The following CLTCL1 variants were observed in gnomAD, a reference collection of about 807,000 sequenced individuals.
The protein encoded by CLTCL1 is clathrin heavy chain 2.
Under a neutral mutation model 190.0 loss-of-function variants are expected in CLTCL1, and 159 were observed. The observed-to-expected ratio is 0.84, with a 90% CI of 0.74 to 0.95. The LOEUF (loss-of-function observed/expected upper bound fraction) is 0.95. Ranked by LOEUF, CLTCL1 falls within the 40% of genes least tolerant of loss-of-function variation. The pLI, the probability that CLTCL1 is intolerant of heterozygous loss-of-function variation, is 0.00. For missense variants in CLTCL1, 1,878 were observed against 2,033.4 expected (o/e 0.92, Z 1.47); for synonymous variants, 752 against 769.6 (o/e 0.98, Z 0.38).
intron 29 of CLTCL1, chr22:19,184,963 T>C (rs1460845861): frequency 5.7e-6 from 1 of 175,804 alleles, no homozygotes; most frequent in African/African-American, 2.4e-5. Flanking sequence ...TGCTCTTCAC[T>C]GGTGGGTGTG....
At chr22:19,222,956 C>A in intron 14 of CLTCL1, 147 bp from the exon 15 acceptor site, 1 of 920,344 alleles carries the variant, frequency 1.1e-6, no homozygotes. Context: ...AATAGGCTGT[C>A]GTTTTGTGGT....
chr22:19,222,527 G>A (rs2085606600), intron 15 of CLTCL1, among the ~76,000 whole-genome samples, 157 bp downstream of exon 15: 1 of 152,200 alleles, frequency 6.6e-6, no homozygotes, highest in Non-Finnish European at 1.5e-5. Context: ...TGCCTGGACT[G>A]TGGTCTTCTA....
At chr22:19,207,453 C>A (rs781981838) in intron 22 of CLTCL1, 10 of 399,976 alleles carry the variant, frequency 2.5e-5, no homozygotes, top group Non-Finnish European at 4.0e-5. Flanking sequence ...ATGTGTATAG[C>A]CAAGAGCATG....
intron 2 of CLTCL1, among the ~76,000 whole-genome samples, chr22:19,275,206 T>C (rs1410643568): frequency 6.6e-6 from 1 of 152,200 alleles, no homozygotes; most frequent in Non-Finnish European, 1.5e-5. Flanking sequence ...TAAAATTCTA[T>C]TAATTATCAG....
chr22:19,236,331 T>C (rs1258011808), intron 5 of CLTCL1, among the ~76,000 whole-genome samples: 1 of 152,204 alleles, frequency 6.6e-6, no homozygotes, highest in Non-Finnish European at 1.5e-5. Context: ...ATCGAACCCC[T>C]TTAAGCAAGC....
intron 2 of CLTCL1, among the ~76,000 whole-genome samples, chr22:19,268,730 A>T (rs1475411190): frequency 6.6e-6 from 1 of 152,226 alleles, no homozygotes; most frequent in Non-Finnish European, 1.5e-5. Context: ...AGAAACTGGC[A>T]TCCTCATACA....
At chr22:19,211,770 A>AC (rs2085232431) in intron 19 of CLTCL1, among the ~76,000 whole-genome samples, 1 of 149,526 alleles carries the variant, frequency 6.7e-6, no homozygotes, top group African/African-American at 2.4e-5. Context: ...GCATCTCAAA[A>AC]AAAAAAAAAA....
chr22:19,201,433 C>A lies in CLTCL1; in HGVS notation c.3661G>T (p.Val1221Phe). The A allele has an allele frequency of 1.2e-6, 2 of 1,613,956 alleles. No homozygotes were observed. Among genetic ancestry groups the A allele is most frequent in the Non-Finnish European group, 1.7e-6 (2 of 1,179,848 alleles). Reference protein sequence around the residue: ...YEAAKLLYSNVSNFARLASTL... With the variant: ...YEAAKLLYSNFSNFARLASTL... The stretch of plus-strand genomic sequence containing the variant: ...GAAGCCAGGCGGGCAAAGTTAGAAA[C>A]ATTGCTATAGAGCAGCTTGGCAGCC... Residue 1221 changes from valine to phenylalanine, a missense_variant, in exon 23 of 33, where the codon GTT (valine) becomes TTT (phenylalanine). By Grantham distance (50) the Val-to-Phe change is conservative. Coordinates refer to ENST00000427926, the MANE Select transcript of CLTCL1 (RefSeq NM_007098.4).
chr22:19,207,010 A>ATTTTTTTTTTT (rs781980213), intron 22 of CLTCL1, among the ~76,000 whole-genome samples: 2 of 92,782 alleles, frequency 2.2e-5, no homozygotes, highest in Non-Finnish European at 4.0e-5. Context: ...TAAACTACTA[A>ATTTTTTTTTTT]TTTTTTTTTT....
chr22:19,219,816 C>T (rs987556748), intron 18 of CLTCL1, 69 bp downstream of exon 18: 11 of 1,597,984 alleles, frequency 6.9e-6, no homozygotes, highest in Non-Finnish European at 9.4e-6. Context: ...TGAAACCAGT[C>T]ACTTGAGCCA....
chr22:19,249,131 G>A (rs1346619139), intron 3 of CLTCL1, among the ~76,000 whole-genome samples: 1 of 152,110 alleles, frequency 6.6e-6, no homozygotes, highest in Non-Finnish European at 1.5e-5. Flanking sequence ...GGCCGAAGCG[G>A]GCGGATTACT....
rs1555929309 is a variant in CLTCL1 at position 19,188,012 on chromosome 22, T to C, written c.4403A>G (p.Asn1468Ser). 5.0e-6 allele frequency: 8 copies of C among 1,613,918 alleles called. No homozygotes were observed. The highest frequency in any genetic ancestry group is 5.1e-6 in the Non-Finnish European group (6 of 1,179,902). Residue 1468 changes from asparagine (N) to serine (S), a missense_variant, in exon 28 of 33, where the codon AAC (asparagine) becomes AGC (serine). Asn to Ser is a conservative substitution (Grantham distance 46). Transcript: ENST00000427926. ...HNNKSVNEAL[N>S]HLLTEEEDYQ... The stretch of plus-strand genomic sequence containing the variant: ...GTCCTCCTCCTCTGTCAGCAGGTGG[T>C]TGAGTGCCTCATTCACACTCTTGTT...
intron 3 of CLTCL1, among the ~76,000 whole-genome samples, chr22:19,248,023 A>G (rs969168119): frequency 6.6e-6 from 1 of 151,182 alleles, no homozygotes; most frequent in Non-Finnish European, 1.5e-5. Context: ...TTGGCTGGGC[A>G]TGGTGGCTCA....
intron 1 of CLTCL1, among the ~76,000 whole-genome samples, chr22:19,290,927 G>T (rs968934188): frequency 6.6e-6 from 1 of 152,114 alleles, no homozygotes; most frequent in South Asian, 2.1e-4. Flanking sequence ...CACCTCCCAG[G>T]GTAAACGTGG....
chr22:19,249,878 G>A, intron 3 of CLTCL1: 1 of 425,260 alleles, frequency 2.4e-6, no homozygotes, highest in South Asian at 1.7e-5. Flanking sequence ...AAATCGCCAG[G>A]TACCATGCAA....
In CLTCL1 at chr22:19,216,111, C is replaced by T; in HGVS notation, c.3065G>A (p.Arg1022Lys). Reference sequence around the variant, plus strand: ...ACAGCTACCCCTGGCATAGCCTCACCTGTGCTCGCTGAAGACAGAGTTATC... The same window carrying T: ...ACAGCTACCCCTGGCATAGCCTCACTTGTGCTCGCTGAAGACAGAGTTATC... ...VLDNSVFSEH[R>K]NLQNLLILTA... Residue 1022 changes from arginine to lysine, a missense_variant and splice_region_variant, in exon 19 of 33, where the codon AGG becomes AAG. By Grantham distance (26) the Arg-to-Lys change is conservative. Transcript: ENST00000427926. 6.2e-7 allele frequency: 1 copy of T among 1,613,476 alleles called. No homozygotes were observed. Among genetic ancestry groups the T allele is most frequent in the Non-Finnish European group, 8.5e-7 (1 of 1,179,614 alleles).
chr22:19,230,582 T>C (rs561618890), intron 10 of CLTCL1, among the ~76,000 whole-genome samples: 125 of 152,288 alleles, frequency 8.2e-4, no homozygotes, highest in African/African-American at 2.4e-3. Context: ...ACGTAATTTA[T>C]GGTCATTAAT....
chr22:19,226,849 T>C (rs1555956332), intron 11 of CLTCL1, among the ~76,000 whole-genome samples: 1 of 152,128 alleles, frequency 6.6e-6, no homozygotes, highest in African/African-American at 2.4e-5. Context: ...GCGATTCTCA[T>C]GTCTCAGCCT....
chr22:19,289,140 C>T (rs954988782), intron 1 of CLTCL1, among the ~76,000 whole-genome samples: 6 of 152,144 alleles, frequency 3.9e-5, no homozygotes, highest in African/African-American at 1.4e-4. Context: ...CGTACCAACA[C>T]GCCCGGCTAA....
Sources: gnomAD v4.1 joint callset for allele counts (sites outside exome capture counted in the v4.1 genomes callset) on GRCh38, gnomAD v4.1.1 for gene constraint, MANE v1.5 for transcripts, NCBI Gene and HGNC (gene_info 2026-07-23, HGNC 2026-07-21) for gene names.